E2F3: variants seen among roughly 807,000 people sequenced by gnomAD.
E2F3 encodes transcription factor E2F3.
Under a neutral mutation model 44.4 loss-of-function variants are expected in E2F3, and 11 were observed. The observed-to-expected ratio is 0.25, with a 90% CI of 0.16 to 0.41. The LOEUF is 0.41. Among genes scored for constraint, E2F3 ranks in the 10% least tolerant of loss-of-function variants. The pLI is 1.00. For synonymous variants in E2F3, 249 were observed against 253.0 expected (o/e 0.98, Z 0.15); for missense variants, 487 against 583.6 (o/e 0.83, Z 1.70).
Position 20,402,205 on chromosome 6 carries a change from A to C in E2F3, c.-28A>C. The stretch of plus-strand genomic sequence containing the variant: ...ATTGAAAACAATACATTAATATACC[A>C]TAACACTAAAAAGAGCAGGAGCGAG... On this transcript the variant is annotated 5_prime_UTR_variant, in exon 1 of 7. Coordinates refer to ENST00000346618, the MANE Select transcript of E2F3 (RefSeq NM_001949.5). This position sits in a 1 kb window ranked among gnomAD's most constrained non-coding sequence, Gnocchi z 5.6. 1.3e-6 allele frequency: 2 copies of C among 1,565,642 alleles called. No individual in the cohort carries two copies.
intron 1 of E2F3, among the ~76,000 whole-genome samples, chr6:20,452,677 C>T (rs753987172): frequency 4.6e-5 from 7 of 152,198 alleles, no homozygotes; most frequent in East Asian, 1.9e-4. Flanking sequence ...TGGCCAGGTG[C>T]GGTGGCTCAC....
In E2F3 at chr6:20,402,375, C is replaced by T; in HGVS notation, c.143C>T (p.Ala48Val). ...LLASPGFAAA[A>V]AAAAAPGAYI... ...GCCAGCCCCGGCTTCGCCGCCGCCG[C>T]CGCCGCTGCCGCCGCCCCGGGCGCG... The change falls in exon 1 of 7, where the codon GCC (alanine) becomes GTC (valine). Residue 48 changes from alanine (A) to valine (V), a missense_variant. This residue lies in a region of E2F3 where 238 missense variants were observed against 236.0 expected (regional missense o/e 1.01). Transcript: ENST00000346618. This position sits in a 1 kb window ranked among gnomAD's most constrained non-coding sequence, Gnocchi z 5.6. 1 of 1,609,286 alleles carries T rather than the reference C, an allele frequency of 6.2e-7. No individual in the cohort carries two copies. The highest frequency in any genetic ancestry group is 8.5e-7 in the Non-Finnish European group (1 of 1,178,264).
chr6:20,445,233 T>G, intron 1 of E2F3: 2 of 818,570 alleles, frequency 2.4e-6, no homozygotes, highest in Non-Finnish European at 2.9e-6. Context: ...AATTAGAATG[T>G]GTATATTTTC....
At chr6:20,430,138 T>C (rs772879544) in intron 1 of E2F3, among the ~76,000 whole-genome samples, 2 of 152,134 alleles carry the variant, frequency 1.3e-5, no homozygotes, top group Non-Finnish European at 2.9e-5. Flanking sequence ...TATGATAGGG[T>C]TACCAGATAA....
At chr6:20,458,026 A>T (rs1014801384) in intron 1 of E2F3, among the ~76,000 whole-genome samples, 1 of 152,214 alleles carries the variant, frequency 6.6e-6, no homozygotes, top group Non-Finnish European at 1.5e-5. Context: ...TGAAAAATGA[A>T]CATGACTTCA....
intron 1 of E2F3, among the ~76,000 whole-genome samples, chr6:20,420,642 C>T (rs1367259992): frequency 6.6e-6 from 1 of 152,160 alleles, no homozygotes; most frequent in Non-Finnish European, 1.5e-5. Context: ...AACCAACGTA[C>T]ATATTCTTAA....
intron 1 of E2F3, among the ~76,000 whole-genome samples, chr6:20,478,767 G>A (rs966869048): frequency 6.6e-6 from 1 of 151,714 alleles, no homozygotes; most frequent in Admixed American, 6.6e-5. Flanking sequence ...CCAAGATCGC[G>A]CCACTCCACT....
intron 1 of E2F3, among the ~76,000 whole-genome samples, chr6:20,438,713 C>T (rs1194701294): frequency 6.6e-6 from 1 of 152,166 alleles, no homozygotes; most frequent in East Asian, 1.9e-4. Flanking sequence ...CTCTTTAGTT[C>T]TTCTGTGAAT....
intron 1 of E2F3, among the ~76,000 whole-genome samples, chr6:20,406,445 G>A (rs1203587396): frequency 6.6e-6 from 1 of 152,172 alleles, no homozygotes; most frequent in African/African-American, 2.4e-5. Context: ...CTGACTTAGT[G>A]AAATAGTGTA....
chr6:20,403,675 C>G (rs1470618605), intron 1 of E2F3: 12 of 551,510 alleles, frequency 2.2e-5, no homozygotes, highest in Admixed American at 1.2e-4. Flanking sequence ...CACCCGCCCC[C>G]GGCACCGCCA....
In E2F3 at chr6:20,401,895, A is replaced by G; in HGVS notation, c.-338A>G. 5.3e-6 allele frequency: 2 copies of G among 374,918 alleles called. No individual in the cohort carries two copies. Among genetic ancestry groups the G allele is most frequent in the Non-Finnish European group, 9.4e-6 (2 of 211,766 alleles). The allele number at this position is 374,918 out of a possible 1,614,324, so 23.2% of individuals were successfully genotyped here. The stretch of plus-strand genomic sequence containing the variant: ...TATCCCTTCATTCATTGTCAGCAGC[A>G]GCTTCCTGGAGCCATTTTTCAGCTG... On this transcript the variant is annotated 5_prime_UTR_variant, in exon 1 of 7. Coordinates refer to ENST00000346618, the MANE Select transcript of E2F3 (RefSeq NM_001949.5).
chr6:20,439,537 C>A (rs538890279), intron 1 of E2F3, among the ~76,000 whole-genome samples: 26 of 152,116 alleles, frequency 1.7e-4, no homozygotes, highest in Non-Finnish European at 3.5e-4. Flanking sequence ...CCCATTTTTT[C>A]TTTTCTCTTT....
At chr6:20,459,499 T>C (rs1761428483) in intron 1 of E2F3, among the ~76,000 whole-genome samples, 1 of 152,250 alleles carries the variant, frequency 6.6e-6, no homozygotes, top group African/African-American at 2.4e-5. Context: ...TCAGTGTAGC[T>C]GAAAATTGAT....
At chr6:20,486,851 C>T (rs1420622202) in intron 5 of E2F3, 48 bp downstream of exon 5, 2 of 1,268,432 alleles carry the variant, frequency 1.6e-6, no homozygotes, top group East Asian at 2.3e-5. Flanking sequence ...TTGTGGAATG[C>T]CTGAAATTGA....
At chr6:20,407,264 C>T (rs192346449) in intron 1 of E2F3, among the ~76,000 whole-genome samples, 216 of 152,288 alleles carry the variant, frequency 1.4e-3, no homozygotes, top group Non-Finnish European at 2.7e-3. Flanking sequence ...TAATATAATG[C>T]AGTGCCCAGA....
intron 1 of E2F3, among the ~76,000 whole-genome samples, chr6:20,424,280 C>T (rs1037174679): frequency 4.1e-5 from 5 of 121,118 alleles, no homozygotes; most frequent in African/African-American, 1.6e-4. Flanking sequence ...TTTTCCTAAA[C>T]GAATAGCCAG....
intron 1 of E2F3, among the ~76,000 whole-genome samples, chr6:20,407,844 AG>A (rs1323734857): frequency 2.0e-5 from 3 of 152,242 alleles, no homozygotes; most frequent in African/African-American, 7.2e-5. Context: ...TCCTACTAAC[AG>A]CTGTAACTAG....
chr6:20,474,645 G>T, intron 1 of E2F3, among the ~76,000 whole-genome samples: 1 of 152,222 alleles, frequency 6.6e-6, no homozygotes, highest in East Asian at 1.9e-4. Flanking sequence ...CCAGGGCAGG[G>T]TGGTGTAGAC....
Position 20,402,363 on chromosome 6 carries a change from T to TCGC in E2F3, c.147_149dup (p.Ala53dup), listed in dbSNP as rs559169760. On this transcript the variant is annotated inframe_insertion, in exon 1 of 7. Coordinates refer to ENST00000346618, the MANE Select transcript of E2F3 (RefSeq NM_001949.5). This position sits in a 1 kb window ranked among gnomAD's most constrained non-coding sequence, Gnocchi z 5.6. ...AGGGCACTGCTAGCCAGCCCCGGCT[T>TCGC]CGCCGCCGCCGCCGCCGCTGCCGCC... is the stretch of plus-strand genomic sequence containing the variant. 108 of 1,605,538 alleles carry TCGC rather than the reference T, an allele frequency of 6.7e-5. No individual in the cohort carries two copies. Among genetic ancestry groups the TCGC allele is most frequent in the African/African-American group, 3.0e-4 (22 of 73,686 alleles).
Sources: gnomAD v4.1 joint callset for allele counts (sites outside exome capture counted in the v4.1 genomes callset) on GRCh38, gnomAD v4.1.1 for gene constraint, gnomAD v4.1.1 regional missense constraint, Gnocchi (gnomAD v3.1) non-coding constraint, MANE v1.5 for transcripts, NCBI Gene and HGNC (gene_info 2026-07-23, HGNC 2026-07-21) for gene names.